Variants in WDR25 observed in about 807,000 individuals in gnomAD.
WDR25 encodes WD repeat-containing protein 25.
Under a neutral mutation model 47.7 loss-of-function variants are expected in WDR25, and 35 were observed. The ratio of observed to expected loss-of-function variants is 0.73; its 90% CI spans 0.56 to 0.97. The LOEUF (loss-of-function observed/expected upper bound fraction) is 0.97, where lower values mean the gene tolerates loss of function less well. Ranked by LOEUF, WDR25 falls within the 50% of genes least tolerant of loss-of-function variation. The pLI is 0.00. For synonymous variants in WDR25, 248 were observed against 278.9 expected, an observed-to-expected ratio of 0.89 and a Z score of 1.10; for missense variants, 634 against 704.7, an observed-to-expected ratio of 0.90 and a Z score of 1.14.
chr14:100,465,477 G>C (rs1033290223), intron 2 of WDR25, among the ~76,000 whole-genome samples: 2 of 152,090 alleles, frequency 1.3e-5, no homozygotes, highest in African/African-American at 4.8e-5. Context: ...TTATGTGTCT[G>C]GCTTATTTTA....
intron 2 of WDR25, among the ~76,000 whole-genome samples, chr14:100,408,074 G>C (rs1002831492): frequency 6.6e-6 from 1 of 152,084 alleles, no homozygotes; most frequent in Non-Finnish European, 1.5e-5. Flanking sequence ...CTATAGTCGT[G>C]GGGGCTTGGG....
intron 5 of WDR25, 117 bp downstream of exon 5, chr14:100,526,157 C>A: frequency 7.7e-7 from 1 of 1,295,806 alleles, no homozygotes; most frequent in Non-Finnish European, 1.1e-6. Context: ...GGACTGAAAT[C>A]TCCAGGATGA....
chr14:100,423,653 C>T lies in WDR25; in HGVS notation c.822+41907C>T, dbSNP rs114319843. Among the ~76,000 whole-genome samples, 381 of 152,328 alleles carry T rather than the reference C, an allele frequency of 2.5e-3. 1 individual carries two copies. Among genetic ancestry groups the T allele is most frequent in the African/African-American group, 8.9e-3 (369 of 41,568 alleles). The stretch of plus-strand genomic sequence containing the variant: ...ATTTCCTCGAAAACGGAACTTTTGA[C>T]TACTTTTAATTTAATCTGGTTCCAT... On this transcript the variant is annotated intron_variant, in intron 2 of 6. Coordinates refer to ENST00000402312, the MANE Select transcript of WDR25 (RefSeq NM_001161476.3).
chr14:100,525,955 A>G lies in WDR25; in HGVS notation c.1187A>G (p.Asp396Gly), dbSNP rs1169799477. ...GGCTCCGAGTTCCTGAGCAGCACAG[A>G]CGCTTCCACCCGGGACTCAGCTGAC... ...REGSEFLSST[D>G]ASTRDSADRT... Residue 396 changes from aspartate to glycine, a missense_variant, in exon 5 of 7, where the codon GAC becomes GGC. Transcript: ENST00000402312. This position sits in a 1 kb window ranked among gnomAD's most constrained non-coding sequence, Gnocchi z 4.6. 1.2e-6 allele frequency: 2 copies of G among 1,614,022 alleles called. No homozygotes were observed. The highest frequency in any genetic ancestry group is 1.7e-6 in the Non-Finnish European group (2 of 1,179,976).
intron 2 of WDR25, among the ~76,000 whole-genome samples, chr14:100,409,457 T>C (rs925951477): frequency 7.0e-6 from 1 of 143,108 alleles, no homozygotes; most frequent in Non-Finnish European, 1.5e-5. Context: ...TCGAGGGTCT[T>C]TAAAGGGCTC....
At chr14:100,380,857 C>T in intron 1 of WDR25, 53 bp from the exon 2 acceptor site, 1 of 1,481,008 alleles carries the variant, frequency 6.8e-7, no homozygotes, top group South Asian at 1.3e-5. Flanking sequence ...CTTATAACTA[C>T]ATACATATTC....
At chr14:100,473,805 C>T (rs1474678223) in intron 3 of WDR25, among the ~76,000 whole-genome samples, 1 of 152,190 alleles carries the variant, frequency 6.6e-6, no homozygotes, top group Non-Finnish European at 1.5e-5. Context: ...GGAAGAAGTG[C>T]CGTGGAGGGG....
At chr14:100,457,463 G>A (rs1899242870) in intron 2 of WDR25, among the ~76,000 whole-genome samples, 1 of 152,202 alleles carries the variant, frequency 6.6e-6, no homozygotes, top group Non-Finnish European at 1.5e-5. Flanking sequence ...TTAATATCCA[G>A]TGAAATATCT....
rs148511419 is a variant in WDR25 at position 100,492,453 on chromosome 14, C to T, written c.1101+8329C>T. 1.7e-4 allele frequency among the ~76,000 whole-genome samples: 26 copies of T among 152,284 alleles called. No individual in the cohort carries two copies. The East Asian group carries it at 1.7e-3, about 10-fold the overall frequency. On this transcript the variant is annotated intron_variant, in intron 4 of 6. Transcript: ENST00000402312. The stretch of plus-strand genomic sequence containing the variant: ...GGGAGGCCCATGGCACTCAAGAGGG[C>T]GATGTTCCAAGACTTTCATTAACAC...
At chr14:100,417,660 C>T (rs1391381493) in intron 2 of WDR25, among the ~76,000 whole-genome samples, 1 of 152,226 alleles carries the variant, frequency 6.6e-6, no homozygotes, top group Non-Finnish European at 1.5e-5. Context: ...CTTGTTGTCT[C>T]TGCCAGTGAG....
intron 2 of WDR25, among the ~76,000 whole-genome samples, chr14:100,423,705 C>T (rs575062712): frequency 4.6e-5 from 7 of 152,266 alleles, no homozygotes; most frequent in African/African-American, 7.2e-5. Flanking sequence ...CTATTTGCAG[C>T]GTGCTGGAGA....
At chr14:100,384,133 C>T (rs1896966409) in intron 2 of WDR25, among the ~76,000 whole-genome samples, 1 of 152,244 alleles carries the variant, frequency 6.6e-6, no homozygotes, top group Admixed American at 6.5e-5. Context: ...GGTTCCTTCC[C>T]AGGGCAGAGC....
intron 2 of WDR25, among the ~76,000 whole-genome samples, chr14:100,451,997 A>G (rs954322462): frequency 1.3e-5 from 2 of 152,186 alleles, no homozygotes; most frequent in African/African-American, 2.4e-5. Flanking sequence ...CTGTCCTTCT[A>G]TCTGTCCATC....
At position 100,500,759 on chromosome 14, in the gene WDR25, G is replaced by C. The variant is rs1014615498; in HGVS notation, c.1101+16635G>C. Among the ~76,000 whole-genome samples the C allele has an allele frequency of 3.9e-4, 60 of 152,166 alleles. No individual in the cohort carries two copies. The highest frequency in any genetic ancestry group is 1.4e-3 in the African/African-American group (58 of 41,438). ...AGCTGCAGGTGGTACTGCGAGGCAG[G>C]GGCCTGGGCTTTTCAGAGTTGGGCT... On this transcript the variant is annotated intron_variant, in intron 4 of 6. Coordinates refer to ENST00000402312, the MANE Select transcript of WDR25 (RefSeq NM_001161476.3). This position sits in a 1 kb window ranked among gnomAD's most constrained non-coding sequence, Gnocchi z 4.7.
intron 2 of WDR25, chr14:100,454,733 G>A (rs1899145667): frequency 3.0e-6 from 1 of 330,338 alleles, no homozygotes; most frequent in Non-Finnish European, 5.9e-6. Flanking sequence ...TTACTGGCTT[G>A]AAGAACCAGA....
At chr14:100,482,564 G>C (rs1263344022) in intron 3 of WDR25, among the ~76,000 whole-genome samples, 1 of 152,084 alleles carries the variant, frequency 6.6e-6, no homozygotes, top group Admixed American at 6.6e-5. Flanking sequence ...TAATAGCTTG[G>C]AGACCATGGA....
rs1900958110 is a variant in WDR25 at position 100,502,469 on chromosome 14, G to C, written c.1101+18345G>C. On this transcript the variant is annotated intron_variant, in intron 4 of 6. Coordinates refer to ENST00000402312, the MANE Select transcript of WDR25 (RefSeq NM_001161476.3). This position sits in a 1 kb window ranked among gnomAD's most constrained non-coding sequence, Gnocchi z 4.5. ...GAGGCCTTCCTGCTGCGAGTAGTCA[G>C]CTCCCTCTCCTGGAGCTGGGGGAGC... is the stretch of plus-strand genomic sequence containing the variant. 6.6e-6 allele frequency among the ~76,000 whole-genome samples: 1 copy of C among 152,228 alleles called. No individual in the cohort carries two copies. Among genetic ancestry groups the C allele is most frequent in the South Asian group, 2.1e-4 (1 of 4,836 alleles).
At chr14:100,507,233 T>G (rs973753117) in intron 4 of WDR25, among the ~76,000 whole-genome samples, 2 of 152,212 alleles carry the variant, frequency 1.3e-5, no homozygotes, top group African/African-American at 4.8e-5. Context: ...AGCTTTATTC[T>G]GGGTTCTCTA....
At chr14:100,518,118 C>G (rs1224020830) in intron 4 of WDR25, among the ~76,000 whole-genome samples, 13 of 152,148 alleles carry the variant, frequency 8.5e-5, no homozygotes, top group Admixed American at 8.5e-4. Flanking sequence ...GGCATTATTT[C>G]CTGTCAGCCT....
Sources: gnomAD v4.1 joint callset for allele counts (sites outside exome capture counted in the v4.1 genomes callset) on GRCh38, gnomAD v4.1.1 for gene constraint, Gnocchi (gnomAD v3.1) non-coding constraint, MANE v1.5 for transcripts, NCBI Gene and HGNC (gene_info 2026-07-23, HGNC 2026-07-21) for gene names.